The following MYCBP2 variants were observed in gnomAD, a reference collection of about 807,000 sequenced individuals.
MYCBP2 encodes MYC binding protein 2.
A neutral mutation model predicts 525.3 loss-of-function variants in MYCBP2; 120 were observed. The ratio of observed to expected loss-of-function variants is 0.23; its 90% CI spans 0.20 to 0.27. The LOEUF (loss-of-function observed/expected upper bound fraction) is 0.27. MYCBP2 is among the 10% of genes least tolerant of loss of function. The probability of loss-of-function intolerance (pLI) is 1.00; values close to 1 mark genes in which losing one functional copy is unlikely to be tolerated. For missense variants in MYCBP2, 4,149 were observed against 5,657.1 expected (o/e 0.73, Z 8.55); for synonymous variants, 1,894 against 1,955.8 (o/e 0.97, Z 0.83).
chr13:77,259,970 T>C (rs1168521278), intron 13 of MYCBP2, among the ~76,000 whole-genome samples: 1 of 152,182 alleles, frequency 6.6e-6, no homozygotes, highest in Admixed American at 6.5e-5. Context: ...AAATAATTCT[T>C]GAGACCCTAC....
chr13:77,320,910 C>A (rs2081523061), intron 1 of MYCBP2, among the ~76,000 whole-genome samples: 1 of 152,142 alleles, frequency 6.6e-6, no homozygotes, highest in African/African-American at 2.4e-5. Context: ...ATATGACATT[C>A]TAGAAAAGGT....
At chr13:77,257,566 A>G in intron 14 of MYCBP2, 105 bp downstream of exon 14, 3 of 1,170,828 alleles carry the variant, frequency 2.6e-6, no homozygotes, top group Non-Finnish European at 3.5e-6. Context: ...AAAAAGAAAA[A>G]GAAGAGCCAC....
intron 74 of MYCBP2, 112 bp downstream of exon 74, chr13:77,062,484 T>G: frequency 1.2e-6 from 1 of 845,562 alleles, no homozygotes; most frequent in Non-Finnish European, 1.9e-6. Context: ...TTTCAAGAGA[T>G]CCACTAACTG....
intron 62 of MYCBP2, among the ~76,000 whole-genome samples, chr13:77,084,174 TATG>T (rs2043811459): frequency 6.6e-6 from 1 of 152,170 alleles, no homozygotes; most frequent in African/African-American, 2.4e-5. Flanking sequence ...CACATGCATA[TATG>T]ATAAGGAGAA....
Position 77,098,931 on chromosome 13 carries a change from C to G in MYCBP2, c.8223G>C (p.Ser2741=). ...KSELSSKHSR[S]LKPDGRMSRT... is the part of the protein sequence containing the mutation. ...GGCTCATACGTCCATCAGGTTTAAGCGATCTGCTGTGTTTAGAGGACAGCT... is the reference window on the plus strand; with the variant it reads ...GGCTCATACGTCCATCAGGTTTAAGGGATCTGCTGTGTTTAGAGGACAGCT... Residue 2741 remains serine, a synonymous_variant, in exon 56 of 83, where the codon TCG becomes TCC. Coordinates refer to ENST00000544440, the MANE Select transcript of MYCBP2 (RefSeq NM_015057.5). 1.2e-6 allele frequency: 2 copies of G among 1,613,440 alleles called. No individual in the cohort carries two copies. The highest frequency in any genetic ancestry group is 2.2e-5 in the South Asian group (2 of 91,066).
chr13:77,107,508 A>T (rs1276693505), intron 55 of MYCBP2, among the ~76,000 whole-genome samples: 1 of 152,142 alleles, frequency 6.6e-6, no homozygotes, highest in Non-Finnish European at 1.5e-5. Flanking sequence ...AGGCCAAGGC[A>T]ATCAAATTGC....
At chr13:77,059,305 T>C (rs1177866695) in intron 77 of MYCBP2, among the ~76,000 whole-genome samples, 1 of 152,234 alleles carries the variant, frequency 6.6e-6, no homozygotes, top group Non-Finnish European at 1.5e-5. Context: ...ATACATATGA[T>C]CATGGTAACT....
chr13:77,268,986 G>A (rs905113603), intron 7 of MYCBP2, among the ~76,000 whole-genome samples: 1 of 152,146 alleles, frequency 6.6e-6, no homozygotes, highest in African/African-American at 2.4e-5. Context: ...AGGAACTTGG[G>A]CTTCACTGTT....
At chr13:77,269,264 G>A (rs938408325) in intron 7 of MYCBP2, among the ~76,000 whole-genome samples, 1 of 152,174 alleles carries the variant, frequency 6.6e-6, no homozygotes, top group African/African-American at 2.4e-5. Flanking sequence ...AGAAAGTACT[G>A]AATCTAGACT....
intron 47 of MYCBP2, among the ~76,000 whole-genome samples, chr13:77,149,933 TAC>T (rs200232924): frequency 0.013 from 1,995 of 152,268 alleles, 10 homozygotes; most frequent in Non-Finnish European, 0.022. Context: ...TCTGCCCAAT[TAC>T]ACTGTCCATA....
chr13:77,134,801 A>G (rs1221006003), intron 52 of MYCBP2, among the ~76,000 whole-genome samples: 2 of 152,204 alleles, frequency 1.3e-5, no homozygotes. Context: ...ACTTTGAACT[A>G]AATTAGGATA....
chr13:77,127,965 T>C (rs925158232), intron 52 of MYCBP2, among the ~76,000 whole-genome samples: 1 of 151,954 alleles, frequency 6.6e-6, no homozygotes, highest in African/African-American at 2.4e-5. Flanking sequence ...TTACTGTAAT[T>C]ATATTTTATT....
intron 55 of MYCBP2, among the ~76,000 whole-genome samples, chr13:77,104,595 A>T (rs2047575611): frequency 6.6e-6 from 1 of 152,148 alleles, no homozygotes; most frequent in South Asian, 2.1e-4. Flanking sequence ...ATAGATGAGG[A>T]TGTAGAAAGG....
At chr13:77,281,289 G>A (rs2076162694) in intron 3 of MYCBP2, among the ~76,000 whole-genome samples, 1 of 151,936 alleles carries the variant, frequency 6.6e-6, no homozygotes, top group Non-Finnish European at 1.5e-5. Context: ...GTTTATATTG[G>A]GGTATATTTT....
chr13:77,073,522 G>A (rs548483370), intron 68 of MYCBP2, among the ~76,000 whole-genome samples: 3 of 152,156 alleles, frequency 2.0e-5, no homozygotes, highest in East Asian at 1.9e-4. Context: ...TCAGCATGGC[G>A]CTTAAGGGCT....
At chr13:77,229,603 G>A (rs1373916242) in intron 18 of MYCBP2, among the ~76,000 whole-genome samples, 1 of 152,106 alleles carries the variant, frequency 6.6e-6, no homozygotes, top group Non-Finnish European at 1.5e-5. Context: ...ATTTATATGT[G>A]CAAAGACTAC....
chr13:77,264,402 C>G (rs535792980), intron 8 of MYCBP2, among the ~76,000 whole-genome samples: 1 of 152,080 alleles, frequency 6.6e-6, no homozygotes, highest in Non-Finnish European at 1.5e-5. Context: ...CAGAAAAATA[C>G]GACCTAAAGC....
chr13:77,191,596 G>T, intron 28 of MYCBP2, 83 bp downstream of exon 28: 1 of 1,486,220 alleles, frequency 6.7e-7, no homozygotes, highest in Non-Finnish European at 9.2e-7. Flanking sequence ...TTTGAATCCT[G>T]CTGAAAGTAC....
chr13:77,081,972 C>T lies in MYCBP2; in HGVS notation c.11058G>A (p.Lys3686=). 1 of 1,613,164 alleles carries T rather than the reference C, an allele frequency of 6.2e-7. No individual in the cohort carries two copies. The highest frequency in any genetic ancestry group is 8.5e-7 in the Non-Finnish European group (1 of 1,179,584). ...MALRCWSLKF[K]QSDHQFLHQS... The stretch of plus-strand genomic sequence containing the variant: ...GATGAAGGAACTGGTGATCAGATTG[C>T]TTGAATTTGAGACTCCAGCACCTAA... The change falls in exon 64 of 83, where the codon AAG becomes AAA. Residue 3686 remains lysine (K), a synonymous_variant. Transcript: ENST00000544440. This position sits in a 1 kb window ranked among gnomAD's most constrained non-coding sequence, Gnocchi z 4.6.
Sources: allele counts gnomAD v4.1 joint callset (sites outside exome capture counted in the v4.1 genomes callset), GRCh38; gene constraint gnomAD v4.1.1; non-coding constraint Gnocchi (gnomAD v3.1); transcripts MANE v1.5; gene names NCBI Gene and HGNC (gene_info 2026-07-23, HGNC 2026-07-21).